Variants in NUDT4 observed in about 807,000 individuals in gnomAD.
The protein encoded by NUDT4 is nudix hydrolase 4, also known as diphosphoinositol polyphosphate phosphohydrolase 2.
Under a neutral mutation model 23.1 loss-of-function variants are expected in NUDT4, and 5 were observed. The ratio of observed to expected loss-of-function variants is 0.22; its 90% confidence interval spans 0.11 to 0.46. NUDT4 has a LOEUF of 0.46. Ranked by LOEUF, NUDT4 falls within the 20% of genes least tolerant of loss-of-function variation. NUDT4 has a pLI of 0.99. For synonymous variants in NUDT4, 50 were observed against 79.0 expected (o/e 0.63, Z 1.95); for missense variants, 96 against 211.6 (o/e 0.45, Z 3.39).
At position 93,402,378 on chromosome 12, in the gene NUDT4, T is replaced by G. The variant is rs1443354845; in HGVS notation, c.*2999T>G. On this transcript the variant is annotated 3_prime_UTR_variant, in exon 5 of 5. Transcript: ENST00000415493. The stretch of plus-strand genomic sequence containing the variant: ...AAGGTGTATGCTTTTAACTTTGAAA[T>G]GTATAAACACCCAGCGGAAACGTAT... The G allele has an allele frequency of 6.6e-6, 1 of 152,210 alleles. No individual in the cohort carries two copies. Among genetic ancestry groups the G allele is most frequent in the African/African-American group, 2.4e-5 (1 of 41,462 alleles). The allele number at this position is 152,210 out of a possible 1,614,324, so 9.4% of individuals were successfully genotyped here. A position where few individuals can be genotyped will look rare whatever the true frequency, so the allele number is the denominator to read the frequency against.
chr12:93,383,117 T>A (rs374554704), intron 1 of NUDT4, among the ~76,000 whole-genome samples: 5 of 152,002 alleles, frequency 3.3e-5, no homozygotes, highest in African/African-American at 1.2e-4. Flanking sequence ...CTCAAGCTTT[T>A]CTCTAATTGA....
chr12:93,395,140 C>G (rs1054266343), intron 2 of NUDT4, among the ~76,000 whole-genome samples: 1 of 152,156 alleles, frequency 6.6e-6, no homozygotes, highest in Non-Finnish European at 1.5e-5. Flanking sequence ...TGAGCCACTA[C>G]ACCTGGCCTT....
intron 1 of NUDT4, 41 bp from the exon 2 acceptor site, chr12:93,394,568 C>A: frequency 8.9e-7 from 1 of 1,124,052 alleles, no homozygotes; most frequent in Non-Finnish European, 1.3e-6. Context: ...ATACGAAGTG[C>A]TTCTCAGGCT....
intron 4 of NUDT4, 80 bp from the exon 5 acceptor site, chr12:93,399,097 C>T (rs531798439): frequency 1.4e-4 from 136 of 976,322 alleles, no homozygotes; most frequent in Middle Eastern, 6.4e-4. Context: ...AGTCATTTAT[C>T]GGGGAGTAAG....
intron 3 of NUDT4, among the ~76,000 whole-genome samples, chr12:93,397,098 T>C (rs1876989730): frequency 6.6e-6 from 1 of 152,242 alleles, no homozygotes; most frequent in African/African-American, 2.4e-5. Flanking sequence ...GCTTTACAAA[T>C]ACTGTTTAAC....
intron 1 of NUDT4, among the ~76,000 whole-genome samples, chr12:93,382,294 C>A (rs1168007368): frequency 7.4e-5 from 11 of 148,768 alleles, no homozygotes; most frequent in Non-Finnish European, 1.2e-4. Flanking sequence ...ACAAAAAAAA[C>A]CACTACTCTT....
intron 1 of NUDT4, among the ~76,000 whole-genome samples, chr12:93,391,343 T>C (rs1876484900): frequency 6.6e-6 from 1 of 151,880 alleles, no homozygotes; most frequent in Non-Finnish European, 1.5e-5. Context: ...GGCAGGCAGA[T>C]CACTTGAAGT....
intron 2 of NUDT4, among the ~76,000 whole-genome samples, 162 bp downstream of exon 2, chr12:93,394,881 C>G (rs1032487556): frequency 6.6e-6 from 1 of 151,976 alleles, no homozygotes; most frequent in Non-Finnish European, 1.5e-5. Context: ...TGGAGTCTCG[C>G]TCTGTTGCCA....
chr12:93,390,304 C>T (rs1029614125), intron 1 of NUDT4, among the ~76,000 whole-genome samples: 2 of 152,160 alleles, frequency 1.3e-5, no homozygotes, highest in Admixed American at 6.5e-5. Flanking sequence ...CTCTGCAGTC[C>T]GGACCAGTAG....
rs1295225223 is a variant in NUDT4 at position 93,401,691 on chromosome 12, TTAGTC to T, written c.*2315_*2319del. 209 of 152,438 alleles carry T rather than the reference TTAGTC, an allele frequency of 1.4e-3. No individual in the cohort carries two copies. Among genetic ancestry groups the T allele is most frequent in the African/African-American group, 4.8e-3 (199 of 41,338 alleles). The allele number at this position is 152,438 out of a possible 1,614,324, so 9.4% of individuals were successfully genotyped here. ...TTCAGTGCCATTTAGCAAAACGTCT[TTAGTC>T]TATGCAACTAGCAAAAATCTGCATA... On this transcript the variant is annotated 3_prime_UTR_variant, in exon 5 of 5. Transcript: ENST00000415493.
At chr12:93,398,338 CAAA>C (rs34651915) in intron 3 of NUDT4, among the ~76,000 whole-genome samples, 13 of 75,282 alleles carry the variant, frequency 1.7e-4, no homozygotes, top group South Asian at 1.3e-3. Context: ...CTCCCTGTCT[CAAA>C]AAAAAAAAAA....
chr12:93,379,908 T>C (rs1285437115), intron 1 of NUDT4, among the ~76,000 whole-genome samples: 1 of 152,234 alleles, frequency 6.6e-6, no homozygotes, highest in Non-Finnish European at 1.5e-5. Context: ...TCTTGTCTGG[T>C]TTCCTCAATA....
Position 93,392,683 on chromosome 12 carries a change from T to C in NUDT4, c.100-1926T>C, listed in dbSNP as rs1335192346. On this transcript the variant is annotated intron_variant, in intron 1 of 4. Transcript: ENST00000415493. The stretch of plus-strand genomic sequence containing the variant: ...ATTTCAGTCTTTTTTTTTTTTTTTT[T>C]TCCCCCGAGATGGAGTCTTGCTCTG... Among the ~76,000 whole-genome samples the C allele has an allele frequency of 4.5e-5, 5 of 111,592 alleles. 1 individual carries two copies. Among genetic ancestry groups the C allele is most frequent in the Non-Finnish European group, 9.3e-5 (5 of 53,940 alleles). 73.2% of individuals were successfully genotyped at this position (111,592 alleles called of 152,430 possible). A position where few individuals can be genotyped will look rare whatever the true frequency, so the allele number is the denominator to read the frequency against.
rs1434605567 is a variant in NUDT4 at position 93,402,813 on chromosome 12, T to C, written c.*3434T>C. ...CTAGTATCACTTTTATTATTGCAGTTCCATTTAAAAGCATAACTGGCTAAG... is the reference window on the plus strand; with the variant it reads ...CTAGTATCACTTTTATTATTGCAGTCCCATTTAAAAGCATAACTGGCTAAG... On this transcript the variant is annotated 3_prime_UTR_variant, in exon 5 of 5. Coordinates refer to ENST00000415493, the MANE Select transcript of NUDT4 (RefSeq NM_019094.6). The C allele has an allele frequency of 1.3e-5, 2 of 151,636 alleles. No homozygotes were observed. The highest frequency in any genetic ancestry group is 2.9e-5 in the Non-Finnish European group (2 of 67,978). 9.4% of individuals were successfully genotyped at this position (151,636 alleles called of 1,614,324 possible).
rs1361678910 is a variant in NUDT4 at position 93,400,259 on chromosome 12, GC to G, written c.*885del. 6.6e-6 allele frequency: 1 copy of G among 151,682 alleles called. No individual in the cohort carries two copies. The highest frequency in any genetic ancestry group is 2.4e-5 in the African/African-American group (1 of 41,340). The allele number at this position is 151,682 out of a possible 1,614,324, so 9.4% of individuals were successfully genotyped here. ...TTAAAATGTATTCAGTTATTTAGTG[GC>G]CCCCACAGGAGTGGAGTCTTGAAAT... On this transcript the variant is annotated 3_prime_UTR_variant, in exon 5 of 5. Transcript: ENST00000415493.
At position 93,407,109 on chromosome 12, in the gene NUDT4, A is replaced by C. The variant is rs1389408600; in HGVS notation, c.*7730A>C. 1.3e-5 allele frequency: 2 copies of C among 152,248 alleles called. No homozygotes were observed. Among genetic ancestry groups the C allele is most frequent in the Non-Finnish European group, 2.9e-5 (2 of 68,152 alleles). 9.4% of individuals were successfully genotyped at this position (152,248 alleles called of 1,614,324 possible). A position where few individuals can be genotyped will look rare whatever the true frequency, so the allele number is the denominator to read the frequency against. On this transcript the variant is annotated 3_prime_UTR_variant, in exon 5 of 5. Transcript: ENST00000415493. ...GTGATCCTCCTGCCTTGGCCTCCTA[A>C]AGTGCTGGGATTACAGGCATGAGCC...
chr12:93,387,227 C>T (rs535012419), intron 1 of NUDT4, among the ~76,000 whole-genome samples: 21 of 152,280 alleles, frequency 1.4e-4, no homozygotes, highest in Admixed American at 1.2e-3. Context: ...CCACTGCACC[C>T]GGCTAGACTG....
At position 93,388,428 on chromosome 12, in the gene NUDT4, T is replaced by C. The variant is rs140664376; in HGVS notation, c.100-6181T>C. On this transcript the variant is annotated intron_variant, in intron 1 of 4. Transcript: ENST00000415493. ...GTATATTCAGTATCTTTTCATCACA[T>C]ACAATTCTTGTTGAGTATCACACAA... is the stretch of plus-strand genomic sequence containing the variant. Among the ~76,000 whole-genome samples the C allele has an allele frequency of 2.5e-4, 38 of 152,360 alleles. No individual in the cohort carries two copies. In the East Asian group the frequency reaches 5.8e-3, roughly 23 times the overall value.
At chr12:93,391,473 G>A (rs1373622325) in intron 1 of NUDT4, among the ~76,000 whole-genome samples, 1 of 151,930 alleles carries the variant, frequency 6.6e-6, no homozygotes, top group African/African-American at 2.4e-5. Context: ...GCTGAGGTGG[G>A]AGAATCACTT....
Sources: gnomAD v4.1 joint callset for allele counts (sites outside exome capture counted in the v4.1 genomes callset) on GRCh38, gnomAD v4.1.1 for gene constraint, MANE v1.5 for transcripts, NCBI Gene and HGNC (gene_info 2026-07-23, HGNC 2026-07-21) for gene names.